The following TRPC4 variants were observed in gnomAD, a reference collection of about 807,000 sequenced individuals.
TRPC4 encodes short transient receptor potential channel 4.
Under a neutral mutation model 99.4 loss-of-function variants are expected in TRPC4, and 49 were observed. The ratio of observed to expected loss-of-function variants is 0.49; its 90% CI spans 0.39 to 0.63. The LOEUF (loss-of-function observed/expected upper bound fraction) is 0.63, where lower values mean the gene tolerates loss of function less well. Among genes scored for constraint, TRPC4 ranks in the 20% least tolerant of loss-of-function variants. The probability of loss-of-function intolerance (pLI) is 0.00; values close to 1 mark genes in which losing one functional copy is unlikely to be tolerated. For synonymous variants in TRPC4, 454 were observed against 425.9 expected, an observed-to-expected ratio of 1.07 and a Z score of -0.81; for missense variants, 898 against 1,152.9, an observed-to-expected ratio of 0.78 and a Z score of 3.20.
intron 4 of TRPC4, among the ~76,000 whole-genome samples, chr13:37,677,644 C>T (rs1458378512): frequency 1.3e-5 from 2 of 152,000 alleles, no homozygotes; most frequent in African/African-American, 4.8e-5. Flanking sequence ...AACAAAAGAA[C>T]CCTATAATAC....
chr13:37,690,015 T>G (rs1297529799), intron 4 of TRPC4, among the ~76,000 whole-genome samples: 2 of 152,178 alleles, frequency 1.3e-5, no homozygotes, highest in Admixed American at 6.5e-5. Context: ...TACATTTTAT[T>G]GTATCTATAG....
chr13:37,807,011 A>G (rs1957543386), intron 1 of TRPC4, among the ~76,000 whole-genome samples: 1 of 152,098 alleles, frequency 6.6e-6, no homozygotes, highest in Non-Finnish European at 1.5e-5. Context: ...TATACTGTCC[A>G]TGAAGAAATC....
chr13:37,831,029 A>G (rs1048601304), intron 1 of TRPC4, among the ~76,000 whole-genome samples: 1 of 149,448 alleles, frequency 6.7e-6, no homozygotes, highest in African/African-American at 2.6e-5. Flanking sequence ...TAAGATTTGC[A>G]AATATTTTCT....
At chr13:37,744,782 C>A (rs1186850565) in intron 3 of TRPC4, among the ~76,000 whole-genome samples, 1 of 152,104 alleles carries the variant, frequency 6.6e-6, no homozygotes, top group Non-Finnish European at 1.5e-5. Flanking sequence ...TAATTACTAT[C>A]ATTTAAGAGT....
chr13:37,777,488 A>G (rs1956738807), intron 2 of TRPC4, among the ~76,000 whole-genome samples: 1 of 151,878 alleles, frequency 6.6e-6, no homozygotes, highest in Non-Finnish European at 1.5e-5. Context: ...CCATGATTCA[A>G]TCACTTTTCA....
intron 6 of TRPC4, among the ~76,000 whole-genome samples, chr13:37,662,074 T>G (rs983601127): frequency 1.8e-4 from 27 of 151,994 alleles, no homozygotes; most frequent in African/African-American, 6.5e-4. Flanking sequence ...TTTGGGAGGC[T>G]GTGGTGGGTA....
At chr13:37,817,168 G>A (rs900293317) in intron 1 of TRPC4, among the ~76,000 whole-genome samples, 1 of 152,038 alleles carries the variant, frequency 6.6e-6, no homozygotes, top group Non-Finnish European at 1.5e-5. Flanking sequence ...CACAACTTCC[G>A]CAAAGTCTCA....
intron 4 of TRPC4, among the ~76,000 whole-genome samples, chr13:37,689,103 T>C (rs1350431770): frequency 6.6e-6 from 1 of 151,992 alleles, no homozygotes; most frequent in Non-Finnish European, 1.5e-5. Flanking sequence ...ACACTATACC[T>C]CCCCCGAAAG....
intron 5 of TRPC4, among the ~76,000 whole-genome samples, chr13:37,673,493 CTAGT>C (rs1190079403): frequency 1.3e-5 from 2 of 149,224 alleles, no homozygotes; most frequent in African/African-American, 4.9e-5. Context: ...TACCAATTAA[CTAGT>C]TATTTTGAAA....
chr13:37,655,224 A>G lies in TRPC4; in HGVS notation c.1748T>C (p.Val583Ala), dbSNP rs550567756. Residue 583 changes from valine to alanine, a missense_variant, in exon 7 of 11, where the codon GTG becomes GCG. Val to Ala is a moderately conservative substitution (Grantham distance 64). Transcript: ENST00000379705. ...TTCATGCTGTGCTTTGACATTGGTC[A>G]CATATAAATTGATGAGCCCAAATAT... ...WSIFGLINLY[V>A]TNVKAQHEFT... The G allele has an allele frequency of 6.2e-7, 1 of 1,608,412 alleles. No individual in the cohort carries two copies. The highest frequency in any genetic ancestry group is 1.3e-5 in the African/African-American group (1 of 74,826).
At chr13:37,695,285 C>T (rs543131004) in intron 3 of TRPC4, among the ~76,000 whole-genome samples, 3 of 152,000 alleles carry the variant, frequency 2.0e-5, no homozygotes, top group African/African-American at 4.8e-5. Context: ...TGGAGTAATG[C>T]TCAGCTTTAC....
intron 1 of TRPC4, among the ~76,000 whole-genome samples, chr13:37,830,581 G>T (rs1019309488): frequency 6.6e-6 from 1 of 151,278 alleles, no homozygotes; most frequent in African/African-American, 2.4e-5. Flanking sequence ...GCATGGTGGT[G>T]CATGCCTGTA....
At chr13:37,666,391 A>C (rs1593467807) in intron 5 of TRPC4, among the ~76,000 whole-genome samples, 1 of 152,156 alleles carries the variant, frequency 6.6e-6, no homozygotes, top group African/African-American at 2.4e-5. Context: ...TAAGTAAATA[A>C]TTTGTCTGTT....
intron 8 of TRPC4, among the ~76,000 whole-genome samples, chr13:37,641,259 A>G (rs545438667): frequency 6.6e-6 from 1 of 152,320 alleles, no homozygotes; most frequent in Non-Finnish European, 1.5e-5. Context: ...AACTTAAAAA[A>G]TCAAAATGGA....
At position 37,637,228 on chromosome 13, in the gene TRPC4, T is replaced by G; in HGVS notation, c.2609A>C (p.Glu870Ala). 1 of 1,613,886 alleles carries G rather than the reference T, an allele frequency of 6.2e-7. No homozygotes were observed. Among genetic ancestry groups the G allele is most frequent in the Non-Finnish European group, 8.5e-7 (1 of 1,179,828 alleles). ...TCCTGCAGCCTGTTGACGAGCAACT[T>G]CTTCTGAAACAGAGAAGATTTGGTT... ...NANQIFSVSE[E>A]VARQQAAGPL... The change falls in exon 11 of 11, where the codon GAA becomes GCA. Residue 870 changes from glutamate (E) to alanine (A), a missense_variant. Glu to Ala is a moderately radical substitution (Grantham distance 107). Around this residue, in one of 3 missense-constraint regions of TRPC4, gnomAD observed 346 missense variants for 351.4 expected, o/e 0.98. Transcript: ENST00000379705.
chr13:37,747,198 T>A (rs1955812992), intron 2 of TRPC4, among the ~76,000 whole-genome samples: 1 of 152,176 alleles, frequency 6.6e-6, no homozygotes, highest in East Asian at 1.9e-4. Flanking sequence ...GGGATGGTAA[T>A]GATGAAAATA....
chr13:37,632,102 C>A lies in TRPC4; in HGVS notation c.*4801G>T, dbSNP rs4943525. Reference sequence around the variant, plus strand: ...CAAACTTTAATAGAGCTACACAAAACTTTTTTGAGTAATTAAAGATAGAAT... The same window carrying A: ...CAAACTTTAATAGAGCTACACAAAAATTTTTTGAGTAATTAAAGATAGAAT... On this transcript the variant is annotated 3_prime_UTR_variant, in exon 11 of 11. Transcript: ENST00000379705. Among the ~76,000 whole-genome samples the A allele has an allele frequency of 6.6e-6, 1 of 151,920 alleles. No homozygotes were observed. Among genetic ancestry groups the A allele is most frequent in the African/African-American group, 2.4e-5 (1 of 41,352 alleles).
chr13:37,696,420 T>C (rs1390792349), intron 3 of TRPC4, among the ~76,000 whole-genome samples: 1 of 152,112 alleles, frequency 6.6e-6, no homozygotes, highest in Non-Finnish European at 1.5e-5. Flanking sequence ...AACAAATAAA[T>C]CAAAAATAAC....
chr13:37,646,835 G>C (rs1951873101), intron 8 of TRPC4, among the ~76,000 whole-genome samples: 1 of 152,190 alleles, frequency 6.6e-6, no homozygotes, highest in Non-Finnish European at 1.5e-5. Context: ...TTTCTTATTT[G>C]GATAGGCTGC....
Sources: allele counts gnomAD v4.1 joint callset (sites outside exome capture counted in the v4.1 genomes callset), GRCh38; gene constraint gnomAD v4.1.1; regional missense constraint gnomAD v4.1.1; transcripts MANE v1.5; gene names NCBI Gene and HGNC (gene_info 2026-07-23, HGNC 2026-07-21).